Variants in CCDC83 observed in about 807,000 individuals in gnomAD.
CCDC83 encodes the protein coiled-coil domain containing 83.
Under a neutral mutation model 50.1 loss-of-function variants are expected in CCDC83, and 54 were observed. The observed-to-expected ratio is 1.08, with a 90% CI of 0.87 to 1.35. CCDC83 has a LOEUF of 1.35. Among genes scored for constraint, CCDC83 ranks in the 40% most tolerant of loss-of-function variants. CCDC83 has a pLI of 0.00. For missense variants in CCDC83, 518 were observed against 473.9 expected (o/e 1.09, Z -0.86); for synonymous variants, 161 against 153.3 (o/e 1.05, Z -0.37).
At chr11:85,899,150 A>C (rs1444464910) in intron 7 of CCDC83, 135 bp downstream of exon 7, 2 of 619,544 alleles carry the variant, frequency 3.2e-6, no homozygotes, top group African/African-American at 1.9e-5. Context: ...ATTCAAGTGG[A>C]GTCCTCATCT....
intron 10 of CCDC83, among the ~76,000 whole-genome samples, chr11:85,917,134 AAGAGAGAGAGAGAG>A (rs201907138): frequency 5.1e-5 from 4 of 77,882 alleles, no homozygotes; most frequent in East Asian, 6.0e-4. Context: ...AAGAAAAAGA[AAGAGAGAGAGAGAG>A]AGAGAGAGAG....
At chr11:85,905,504 G>A (rs1017785769) in intron 7 of CCDC83, among the ~76,000 whole-genome samples, 1 of 151,722 alleles carries the variant, frequency 6.6e-6, no homozygotes, top group Non-Finnish European at 1.5e-5. Flanking sequence ...CAGCTACATG[G>A]GAGGCTGAGG....
chr11:85,859,158 T>TAAA (rs55964668), intron 1 of CCDC83, among the ~76,000 whole-genome samples: 1,089 of 68,378 alleles, frequency 0.016, 9 homozygotes, highest in South Asian at 0.028. Context: ...CTTGGTGCCT[T>TAAA]AAAAAAAAAA....
intron 6 of CCDC83, among the ~76,000 whole-genome samples, chr11:85,898,221 CCT>C (rs1219460198): frequency 6.6e-6 from 1 of 151,164 alleles, no homozygotes; most frequent in Non-Finnish European, 1.5e-5. Context: ...CATTTCTGTC[CCT>C]GTTTGTGATC....
intron 8 of CCDC83, among the ~76,000 whole-genome samples, chr11:85,914,292 T>C (rs2093467504): frequency 6.6e-6 from 1 of 152,248 alleles, no homozygotes; most frequent in Admixed American, 6.5e-5. Flanking sequence ...TTTGCACATT[T>C]GCAAGCGTTC....
chr11:85,911,661 G>A (rs1392474554), intron 8 of CCDC83, among the ~76,000 whole-genome samples: 4 of 152,132 alleles, frequency 2.6e-5, no homozygotes, highest in African/African-American at 9.7e-5. Context: ...CATCATAACT[G>A]CCAACATTCA....
At chr11:85,903,940 C>T (rs2093413705) in intron 7 of CCDC83, among the ~76,000 whole-genome samples, 1 of 151,598 alleles carries the variant, frequency 6.6e-6, no homozygotes, top group Non-Finnish European at 1.5e-5. Flanking sequence ...GCACTCCAGC[C>T]TGGGCAACAC....
intron 7 of CCDC83, among the ~76,000 whole-genome samples, chr11:85,908,798 C>T (rs1045454601): frequency 4.6e-5 from 7 of 151,694 alleles, no homozygotes; most frequent in South Asian, 2.1e-4. Context: ...ACTGCAGTTT[C>T]GCTACTCAGG....
chr11:85,908,564 T>TAGAC, intron 7 of CCDC83, among the ~76,000 whole-genome samples: 1 of 135,712 alleles, frequency 7.4e-6, no homozygotes, highest in African/African-American at 2.8e-5. Flanking sequence ...GATAGATAGA[T>TAGAC]AGATAGATAG....
intron 5 of CCDC83, among the ~76,000 whole-genome samples, chr11:85,894,232 A>G (rs1679269906): frequency 6.6e-6 from 1 of 152,200 alleles, no homozygotes; most frequent in African/African-American, 2.4e-5. Flanking sequence ...CTGTTAGTAC[A>G]ATACTGTTGT....
chr11:85,885,950 C>T (rs887410824), intron 4 of CCDC83, among the ~76,000 whole-genome samples: 1 of 152,308 alleles, frequency 6.6e-6, no homozygotes, highest in South Asian at 2.1e-4. Context: ...TTGTCTATTA[C>T]GTCTTTCAAT....
At chr11:85,909,610 T>C (rs12799589) in intron 7 of CCDC83, among the ~76,000 whole-genome samples, 7 of 63,720 alleles carry the variant, frequency 1.1e-4, no homozygotes, top group East Asian at 5.5e-4. Flanking sequence ...CAAAATACAC[T>C]TTTTTTTTTT....
chr11:85,885,065 T>A (rs2093319981), intron 4 of CCDC83, among the ~76,000 whole-genome samples: 1 of 151,952 alleles, frequency 6.6e-6, no homozygotes, highest in East Asian at 1.9e-4. Context: ...AAATACAAAA[T>A]TAGCCGGACG....
At position 85,899,032 on chromosome 11, in the gene CCDC83, AAAAC is replaced by A. The variant is rs767625293; in HGVS notation, c.672+24_672+27del. The A allele has an allele frequency of 1.3e-6, 2 of 1,566,280 alleles. No homozygotes were observed. Among genetic ancestry groups the A allele is most frequent in the Non-Finnish European group, 1.8e-6 (2 of 1,141,170 alleles). On this transcript the variant is annotated intron_variant, in intron 7 of 10. Transcript: ENST00000342404. Reference sequence around the variant, plus strand: ...AAAAAAGAGGTAAGTGGAATTTATCAAAACAAACAATTTCTTCGTTCTCATTTTT... The same window carrying A: ...AAAAAAGAGGTAAGTGGAATTTATCAAAACAATTTCTTCGTTCTCATTTTT...
At position 85,915,508 on chromosome 11, in the gene CCDC83, T is replaced by C. The variant is rs1442531427; in HGVS notation, c.874+10T>C. ...CCAGAAACACATATAGGTATTACTTTATTGCAATAATGATGATGATTTTTT... is the reference window on the plus strand; with the variant it reads ...CCAGAAACACATATAGGTATTACTTCATTGCAATAATGATGATGATTTTTT... On this transcript the variant is annotated intron_variant, in intron 9 of 10. Transcript: ENST00000342404. 1 of 1,573,032 alleles carries C rather than the reference T, an allele frequency of 6.4e-7. No individual in the cohort carries two copies. The highest frequency in any genetic ancestry group is 8.7e-7 in the Non-Finnish European group (1 of 1,151,186).
intron 4 of CCDC83, among the ~76,000 whole-genome samples, chr11:85,885,103 A>G (rs960960951): frequency 1.3e-5 from 2 of 152,028 alleles, no homozygotes; most frequent in African/African-American, 4.8e-5. Flanking sequence ...GATCTCAGCT[A>G]CTTGGGAGAC....
chr11:85,863,594 C>T (rs181588129), intron 1 of CCDC83, among the ~76,000 whole-genome samples: 13 of 152,306 alleles, frequency 8.5e-5, no homozygotes. Context: ...TAAAGACAGC[C>T]TGACTGGAAG....
intron 3 of CCDC83, 26 bp downstream of exon 3, chr11:85,873,321 T>C: frequency 3.2e-6 from 3 of 940,056 alleles, no homozygotes; most frequent in East Asian, 2.7e-5. Flanking sequence ...AGAACCTATA[T>C]ATAGTCATTA....
At position 85,865,749 on chromosome 11, in the gene CCDC83, A is replaced by G. The variant is rs1228638589; in HGVS notation, c.95+531A>G. 2.0e-5 allele frequency among the ~76,000 whole-genome samples: 3 copies of G among 152,094 alleles called. No individual in the cohort carries two copies. In the East Asian group the frequency reaches 5.8e-4, roughly 29 times the overall value. ...CTAAAAATCCAAAAATTAGTCGGGCATGGTGGCGCGTGCCTGTAATCCCAG... is the reference window on the plus strand; with the variant it reads ...CTAAAAATCCAAAAATTAGTCGGGCGTGGTGGCGCGTGCCTGTAATCCCAG... On this transcript the variant is annotated intron_variant, in intron 2 of 10. Coordinates refer to ENST00000342404, the MANE Select transcript of CCDC83 (RefSeq NM_001286159.2).
Sources: gnomAD v4.1 joint callset for allele counts (sites outside exome capture counted in the v4.1 genomes callset) on GRCh38, gnomAD v4.1.1 for gene constraint, MANE v1.5 for transcripts, NCBI Gene and HGNC (gene_info 2026-07-23, HGNC 2026-07-21) for gene names.